Variants in CTNND2 observed in about 807,000 individuals in gnomAD.
CTNND2 encodes catenin delta 2.
A neutral mutation model predicts 144.4 loss-of-function variants in CTNND2; 22 were observed. That is an observed-to-expected ratio of 0.15 (90% CI 0.11 to 0.22). The LOEUF (loss-of-function observed/expected upper bound fraction) is 0.22. CTNND2 is among the 10% of genes least tolerant of loss of function. CTNND2 has a pLI of 1.00. For synonymous variants in CTNND2, 751 were observed against 695.6 expected (o/e 1.08, Z -1.25); for missense variants, 1,353 against 1,618.8 (o/e 0.84, Z 2.82).
intron 11 of CTNND2, among the ~76,000 whole-genome samples, chr5:11,165,572 C>CTTTTATTA (rs1311102336): frequency 6.6e-6 from 1 of 152,112 alleles, no homozygotes; most frequent in East Asian, 1.9e-4. Context: ...TAGCATCTTT[C>CTTTTATTA]TTTTATTATT....
In CTNND2 at chr5:11,803,753, G is replaced by A. The variant is rs145524418; in HGVS notation, c.38-71481C>T. Among the ~76,000 whole-genome samples the A allele has an allele frequency of 2.0e-4, 31 of 152,178 alleles. 1 individual carries two copies. The East Asian group carries it at 5.4e-3, about 27-fold the overall frequency. ...TCACTGTTTCAAAGGGAGATCCTACGACCCATTGAATTTTATATCACTCGT... is the reference window on the plus strand; with the variant it reads ...TCACTGTTTCAAAGGGAGATCCTACAACCCATTGAATTTTATATCACTCGT... On this transcript the variant is annotated intron_variant, in intron 1 of 21. Coordinates refer to ENST00000304623, the MANE Select transcript of CTNND2 (RefSeq NM_001332.4).
intron 10 of CTNND2, among the ~76,000 whole-genome samples, chr5:11,207,384 TAAAA>T (rs202182480): frequency 7.1e-6 from 1 of 139,970 alleles, no homozygotes; most frequent in Non-Finnish European, 1.6e-5. Flanking sequence ...TTCAAGTATT[TAAAA>T]AAAAAAAAAA....
At chr5:11,357,313 T>C (rs1387176987) in intron 8 of CTNND2, among the ~76,000 whole-genome samples, 2 of 151,990 alleles carry the variant, frequency 1.3e-5, no homozygotes, top group Non-Finnish European at 2.9e-5. Context: ...ATAGAGAAAA[T>C]GTAACACATA....
chr5:11,845,205 C>T (rs1045964842), intron 1 of CTNND2, among the ~76,000 whole-genome samples: 2 of 152,156 alleles, frequency 1.3e-5, no homozygotes, highest in African/African-American at 4.8e-5. Context: ...TGCCAGTCAG[C>T]TTTATAAAAT....
At chr5:11,164,515 G>A (rs1292683622) in intron 11 of CTNND2, among the ~76,000 whole-genome samples, 1 of 152,096 alleles carries the variant, frequency 6.6e-6, no homozygotes, top group East Asian at 1.9e-4. Flanking sequence ...GACGTGGAGT[G>A]GAGACATCAG....
At chr5:10,978,236 T>C (rs1736752718) in intron 21 of CTNND2, among the ~76,000 whole-genome samples, 1 of 152,168 alleles carries the variant, frequency 6.6e-6, no homozygotes, top group Non-Finnish European at 1.5e-5. Context: ...CCTAGAATGG[T>C]TGGTTACACC....
intron 2 of CTNND2, among the ~76,000 whole-genome samples, chr5:11,702,249 A>G (rs1482216661): frequency 3.9e-5 from 6 of 152,222 alleles, no homozygotes; most frequent in Non-Finnish European, 8.8e-5. Flanking sequence ...TTTGTTACAT[A>G]GCATACTTGT....
chr5:11,646,023 T>C (rs1782327158), intron 2 of CTNND2, among the ~76,000 whole-genome samples: 1 of 152,208 alleles, frequency 6.6e-6, no homozygotes, highest in African/African-American at 2.4e-5. Context: ...ATTTTATGTA[T>C]TTATCTCAGC....
chr5:11,190,753 G>A (rs1393470918), intron 11 of CTNND2, among the ~76,000 whole-genome samples: 2 of 152,218 alleles, frequency 1.3e-5, no homozygotes, highest in Non-Finnish European at 2.9e-5. Context: ...AGTTGTAACA[G>A]AGACCTAGGG....
intron 20 of CTNND2, among the ~76,000 whole-genome samples, chr5:10,984,166 C>T (rs1737646361): frequency 1.3e-5 from 2 of 152,158 alleles, no homozygotes; most frequent in African/African-American, 4.8e-5. Flanking sequence ...TATGTACTGT[C>T]TGCCTTCCTC....
At chr5:11,435,171 C>T (rs1429451748) in intron 3 of CTNND2, among the ~76,000 whole-genome samples, 1 of 151,592 alleles carries the variant, frequency 6.6e-6, no homozygotes, top group African/African-American at 2.4e-5. Context: ...CAGAGTCTCA[C>T]TCTGTCACCC....
intron 9 of CTNND2, among the ~76,000 whole-genome samples, chr5:11,262,708 G>C (rs1396894786): frequency 7.9e-6 from 1 of 125,790 alleles, no homozygotes; most frequent in African/African-American, 3.0e-5. Flanking sequence ...GTTGCAGTGA[G>C]TCGAGACCGC....
chr5:11,469,577 C>G (rs760810713), intron 3 of CTNND2, among the ~76,000 whole-genome samples: 2 of 152,128 alleles, frequency 1.3e-5, no homozygotes, highest in Non-Finnish European at 2.9e-5. Flanking sequence ...ATCACAGGGG[C>G]TGACAAAGAA....
chr5:11,643,014 T>C (rs115786203), intron 2 of CTNND2, among the ~76,000 whole-genome samples: 2,373 of 152,274 alleles, frequency 0.016, 71 homozygotes, highest in African/African-American at 0.055. Flanking sequence ...CCTGTGTCAC[T>C]AGAGTCCTGA....
intron 6 of CTNND2, among the ~76,000 whole-genome samples, chr5:11,392,266 A>G (rs1229922591): frequency 6.6e-6 from 1 of 152,234 alleles, no homozygotes; most frequent in Non-Finnish European, 1.5e-5. Flanking sequence ...GATTAGGATC[A>G]TTATCAGTAA....
chr5:11,566,937 A>T (rs1777157985), intron 2 of CTNND2, among the ~76,000 whole-genome samples: 1 of 152,158 alleles, frequency 6.6e-6, no homozygotes, highest in African/African-American at 2.4e-5. Flanking sequence ...CTTCCCTCTG[A>T]AAGAACAACC....
At chr5:11,702,220 C>T (rs1328138516) in intron 2 of CTNND2, among the ~76,000 whole-genome samples, 6 of 152,144 alleles carry the variant, frequency 3.9e-5, no homozygotes, top group Non-Finnish European at 7.4e-5. Flanking sequence ...TTCTTGTGTA[C>T]CACAAGGGTT....
At chr5:11,521,532 C>T (rs1772713017) in intron 3 of CTNND2, among the ~76,000 whole-genome samples, 1 of 152,188 alleles carries the variant, frequency 6.6e-6, no homozygotes, top group South Asian at 2.1e-4. Context: ...TCATCATTCT[C>T]ACCACCATCA....
intron 10 of CTNND2, among the ~76,000 whole-genome samples, chr5:11,215,003 G>A (rs1435277279): frequency 6.6e-6 from 1 of 152,196 alleles, no homozygotes; most frequent in Non-Finnish European, 1.5e-5. Flanking sequence ...AGTGCTGTGA[G>A]AGCAGAGATC....
Sources: gnomAD v4.1 joint callset for allele counts (sites outside exome capture counted in the v4.1 genomes callset) on GRCh38, gnomAD v4.1.1 for gene constraint, MANE v1.5 for transcripts, NCBI Gene and HGNC (gene_info 2026-07-23, HGNC 2026-07-21) for gene names.